Variants in FRMPD4 observed in about 807,000 individuals in gnomAD.
The protein encoded by FRMPD4 is FERM and PDZ domain containing 4.
In FRMPD4, 22 loss-of-function variants were observed where a neutral mutation model predicts 94.1. The ratio of observed to expected loss-of-function variants is 0.23; its 90% CI spans 0.17 to 0.33. The LOEUF (loss-of-function observed/expected upper bound fraction) is 0.33. FRMPD4 is among the 10% of genes least tolerant of loss of function. The probability of loss-of-function intolerance (pLI) is 1.00; values close to 1 mark genes in which losing one functional copy is unlikely to be tolerated. For synonymous variants in FRMPD4, 631 were observed against 548.6 expected, an observed-to-expected ratio of 1.15 and a Z score of -2.10; for missense variants, 1,111 against 1,339.9, an observed-to-expected ratio of 0.83 and a Z score of 2.67.
At chrX:11,961,931 T>G (rs2147373464) in intron 3 of FRMPD4, among the ~76,000 whole-genome samples, 1 of 112,524 alleles carries the variant, frequency 8.9e-6, no homozygotes, top group African/African-American at 3.2e-5. Context: ...TTAAAGAATT[T>G]TTAGTTAAAT....
At chrX:11,957,437 T>A (rs1393681310) in intron 3 of FRMPD4, among the ~76,000 whole-genome samples, 1 of 111,326 alleles carries the variant, frequency 9.0e-6, no homozygotes, top group Non-Finnish European at 1.9e-5. Context: ...TGGTGGCATA[T>A]GCCTATAGTC....
intron 2 of FRMPD4, among the ~76,000 whole-genome samples, chrX:12,552,396 T>C (rs2148331326): frequency 8.9e-6 from 1 of 111,754 alleles, no homozygotes; most frequent in Admixed American, 9.5e-5. Context: ...TTTTCCAATA[T>C]CTCTCAGCAC....
chrX:12,323,885 C>T (rs1244213368), intron 1 of FRMPD4, among the ~76,000 whole-genome samples: 1 of 111,445 alleles, frequency 9.0e-6, no homozygotes, highest in Non-Finnish European at 1.9e-5. Context: ...AGAGCAGGAT[C>T]GGTTGCTATA....
At chrX:12,497,909 A>G (rs944005899) in intron 1 of FRMPD4, among the ~76,000 whole-genome samples, 2 of 110,987 alleles carry the variant, frequency 1.8e-5, no homozygotes. Flanking sequence ...GAGGTTGTTC[A>G]GGGTGCACCT....
At chrX:12,296,359 T>C (rs1225947390) in intron 1 of FRMPD4, among the ~76,000 whole-genome samples, 1 of 112,104 alleles carries the variant, frequency 8.9e-6, no homozygotes, top group Admixed American at 9.4e-5. Context: ...CAGCAATGTT[T>C]CTGTTATTCA....
chrX:12,717,277 G>T (rs2042109169), intron 15 of FRMPD4, 144 bp downstream of exon 15: 1 of 465,428 alleles, frequency 2.1e-6, no homozygotes, highest in Admixed American at 4.2e-5. Flanking sequence ...GCCATCATGG[G>T]TTTTTTTGTG....
At chrX:12,471,044 C>T (rs2057505899) in intron 1 of FRMPD4, among the ~76,000 whole-genome samples, 3 of 112,293 alleles carry the variant, frequency 2.7e-5, no homozygotes, top group Non-Finnish European at 3.8e-5. Context: ...ATGTTTTGTT[C>T]ATGCAAACTT....
chrX:12,226,746 A>G (rs1774806790), intron 1 of FRMPD4, among the ~76,000 whole-genome samples: 1 of 111,415 alleles, frequency 9.0e-6, no homozygotes, highest in Non-Finnish European at 1.9e-5. Context: ...CACTACAGGA[A>G]AGGAACCCTG....
At chrX:12,434,776 C>T (rs1458981349) in intron 1 of FRMPD4, among the ~76,000 whole-genome samples, 1 of 112,600 alleles carries the variant, frequency 8.9e-6, no homozygotes, top group Non-Finnish European at 1.9e-5. Context: ...GTGCAGGAGG[C>T]ACAGAATGGG....
At chrX:12,638,118 C>T (rs959626212) in intron 4 of FRMPD4, among the ~76,000 whole-genome samples, 1 of 112,413 alleles carries the variant, frequency 8.9e-6, no homozygotes, top group South Asian at 3.7e-4. Context: ...TTACACTAGA[C>T]ACACTTTTAT....
At chrX:12,483,353 AG>A (rs1258443173) in intron 1 of FRMPD4, among the ~76,000 whole-genome samples, 1 of 111,739 alleles carries the variant, frequency 8.9e-6, no homozygotes, top group Non-Finnish European at 1.9e-5. Context: ...TTTACTCTAG[AG>A]GGGCTGTAGG....
rs58794898 is a variant in FRMPD4, at chrX:12,305,725, G to GTTTTTTTTTTTTT, written c.41+166723_41+166735dup. ...GGCATGTACCACCACAGCTGGCTAA[G>GTTTTTTTTTTTTT]TTTTTTTTTTTTTTTTTTTTTTACA... On this transcript the variant is annotated intron_variant, in intron 1 of 16. Transcript: ENST00000675598. Among the ~76,000 whole-genome samples, 34 of 59,696 alleles carry GTTTTTTTTTTTTT rather than the reference G, an allele frequency of 5.7e-4. 4 individuals are homozygous for GTTTTTTTTTTTTT. Among genetic ancestry groups the GTTTTTTTTTTTTT allele is most frequent in the African/African-American group, 1.6e-3 (21 of 13,233 alleles). The allele number at this position is 59,696 out of a possible 115,157, so 51.8% of individuals were successfully genotyped here.
intron 1 of FRMPD4, among the ~76,000 whole-genome samples, chrX:12,192,662 G>A (rs2056505216): frequency 8.9e-6 from 1 of 111,809 alleles, no homozygotes; most frequent in Non-Finnish European, 1.9e-5. Context: ...AACTAAGTGT[G>A]TGCCAAATAT....
intron 1 of FRMPD4, among the ~76,000 whole-genome samples, chrX:12,386,706 A>G (rs955047066): frequency 8.9e-6 from 1 of 112,052 alleles, no homozygotes; most frequent in African/African-American, 3.2e-5. Flanking sequence ...CTGGCAGTGG[A>G]TGATAGAAAA....
At chrX:11,981,916 C>T (rs1413827842) in intron 3 of FRMPD4, among the ~76,000 whole-genome samples, 1 of 111,733 alleles carries the variant, frequency 8.9e-6, no homozygotes, top group Admixed American at 9.5e-5. Context: ...TTTCACTCCA[C>T]TCATCCCTTT....
At chrX:11,982,362 A>T (rs1040291922) in intron 3 of FRMPD4, among the ~76,000 whole-genome samples, 1 of 109,266 alleles carries the variant, frequency 9.2e-6, no homozygotes, top group Non-Finnish European at 1.9e-5. Flanking sequence ...GTTGCTATAC[A>T]TTTCCACTAT....
chrX:12,170,185 G>GT (rs58430445), intron 1 of FRMPD4, among the ~76,000 whole-genome samples: 21,313 of 96,618 alleles, frequency 0.22, 1,876 homozygotes, highest in South Asian at 0.35. Flanking sequence ...TTTCCACAGA[G>GT]TTTTTTTTTT....
chrX:12,475,974 G>A (rs184347033), intron 1 of FRMPD4, among the ~76,000 whole-genome samples: 10 of 111,067 alleles, frequency 9.0e-5, no homozygotes, highest in East Asian at 8.5e-4. Flanking sequence ...TTTAAAGTTC[G>A]TATGGAACCA....
intron 1 of FRMPD4, among the ~76,000 whole-genome samples, chrX:12,297,082 T>G (rs761411016): frequency 8.9e-5 from 10 of 112,747 alleles, no homozygotes; most frequent in Non-Finnish European, 1.7e-4. Context: ...CTTCAGTGTC[T>G]GCTTACTGAC....
Sources: gnomAD v4.1 joint callset for allele counts (sites outside exome capture counted in the v4.1 genomes callset) on GRCh38, gnomAD v4.1.1 for gene constraint, MANE v1.5 for transcripts, NCBI Gene and HGNC (gene_info 2026-07-23, HGNC 2026-07-21) for gene names.